GRAP2: variants seen among roughly 807,000 people sequenced by gnomAD.
The protein encoded by GRAP2 is GRB2 related adaptor protein 2.
In GRAP2, 31 loss-of-function variants were observed where a neutral mutation model predicts 43.5. That is an observed-to-expected ratio of 0.71 (90% confidence interval 0.54 to 0.96). The LOEUF is 0.96. GRAP2 is among the 40% of genes least tolerant of loss of function. The pLI is 0.00. For missense variants in GRAP2, 371 were observed against 424.4 expected (o/e 0.87, Z 1.11); for synonymous variants, 156 against 164.8 (o/e 0.95, Z 0.41).
chr22:39,948,669 G>T (rs537858294), intron 2 of GRAP2, among the ~76,000 whole-genome samples: 13 of 152,080 alleles, frequency 8.5e-5, no homozygotes, highest in Middle Eastern at 3.4e-3. Context: ...CAACTCTCTG[G>T]AATCTGCCTT....
intron 2 of GRAP2, among the ~76,000 whole-genome samples, chr22:39,955,094 C>T (rs1054689825): frequency 2.0e-5 from 3 of 152,206 alleles, no homozygotes; most frequent in African/African-American, 7.2e-5. Flanking sequence ...CCTGGTGGCT[C>T]ACGCCTGTAA....
intron 1 of GRAP2, among the ~76,000 whole-genome samples, chr22:39,938,725 C>T (rs750495797): frequency 3.3e-5 from 5 of 152,240 alleles, no homozygotes; most frequent in African/African-American, 7.2e-5. Context: ...CACCTGTCAT[C>T]GGAGACAGCT....
chr22:39,918,305 G>A (rs1478565538), intron 1 of GRAP2, among the ~76,000 whole-genome samples: 1 of 152,086 alleles, frequency 6.6e-6, no homozygotes, highest in East Asian at 1.9e-4. Context: ...AATCGCAGAC[G>A]AATAATAACG....
chr22:39,897,696 T>C (rs981678901), upstream of GRAP2, among the ~76,000 whole-genome samples: 17 of 151,918 alleles, frequency 1.1e-4, no homozygotes, highest in African/African-American at 4.1e-4. Context: ...ATTTTGTATT[T>C]TTAGTAGAAA....
intron 4 of GRAP2, chr22:39,963,798 A>T (rs1289727410): frequency 6.6e-6 from 1 of 152,448 alleles, no homozygotes; most frequent in African/African-American, 2.4e-5. Context: ...TGGGCGGATC[A>T]TGAGGTCAGG....
intron 1 of GRAP2, among the ~76,000 whole-genome samples, chr22:39,940,251 T>C (rs1228754859): frequency 6.6e-6 from 1 of 152,166 alleles, no homozygotes; most frequent in Non-Finnish European, 1.5e-5. Flanking sequence ...ACCAGCTGAT[T>C]AACAGGTATT....
At chr22:39,911,373 TCCCTCCA>T in intron 1 of GRAP2, among the ~76,000 whole-genome samples, 17 of 151,952 alleles carry the variant, frequency 1.1e-4, no homozygotes, top group African/African-American at 4.1e-4. Flanking sequence ...ATGACTCTCT[TCCCTCCA>T]TCACCTCCCC....
At chr22:39,898,966 C>A (rs1396721452), upstream of GRAP2, among the ~76,000 whole-genome samples, 2 of 152,208 alleles carry the variant, frequency 1.3e-5, no homozygotes, top group African/African-American at 4.8e-5. Flanking sequence ...TCACATGTTA[C>A]TGTATCCTCC....
intron 1 of GRAP2, among the ~76,000 whole-genome samples, chr22:39,940,383 GTTT>G (rs137987): frequency 3.0e-5 from 4 of 131,460 alleles, no homozygotes; most frequent in Admixed American, 1.5e-4. Flanking sequence ...TTTTTTGTTT[GTTT>G]TTTTTTTTTT....
intron 1 of GRAP2, among the ~76,000 whole-genome samples, chr22:39,913,413 T>A (rs916298243): frequency 6.6e-6 from 1 of 152,080 alleles, no homozygotes; most frequent in African/African-American, 2.4e-5. Flanking sequence ...TTCAGGTAAA[T>A]CCAGTAAGAT....
the GRAP2 span, among the ~76,000 whole-genome samples, chr22:39,895,187 G>A: frequency 2.0e-5 from 3 of 152,242 alleles, no homozygotes; most frequent in African/African-American, 4.8e-5. Context: ...AAATGTAATC[G>A]AACCTGTGTT....
intron 4 of GRAP2, chr22:39,963,802 G>A (rs1223974112): frequency 6.6e-6 from 1 of 152,530 alleles, no homozygotes; most frequent in Non-Finnish European, 1.5e-5. Context: ...CGGATCATGA[G>A]GTCAGGAGAT....
At chr22:39,967,393 G>A (rs113731737) in intron 5 of GRAP2, among the ~76,000 whole-genome samples, 57 of 152,186 alleles carry the variant, frequency 3.7e-4, no homozygotes, top group Admixed American at 2.6e-4. Flanking sequence ...GATTAAATGA[G>A]TTGATATTTG....
intron 1 of GRAP2, among the ~76,000 whole-genome samples, chr22:39,914,949 G>A (rs955298344): frequency 6.6e-6 from 1 of 151,940 alleles, no homozygotes; most frequent in Non-Finnish European, 1.5e-5. Flanking sequence ...AGCACTCTGG[G>A]AGGCTGAGGC....
chr22:39,965,599 G>A (rs781713609), intron 4 of GRAP2, among the ~76,000 whole-genome samples: 3 of 152,198 alleles, frequency 2.0e-5, no homozygotes, highest in African/African-American at 7.2e-5. Context: ...AGAATTTCTG[G>A]TAACAGAAAG....
At chr22:39,907,209 C>T (rs188872199) in intron 1 of GRAP2, among the ~76,000 whole-genome samples, 39 of 149,510 alleles carry the variant, frequency 2.6e-4, no homozygotes, top group African/African-American at 9.4e-4. Context: ...TTCTTACTGG[C>T]AGTGGTGGGG....
At chr22:39,938,928 G>A (rs2066835539) in intron 1 of GRAP2, among the ~76,000 whole-genome samples, 2 of 152,160 alleles carry the variant, frequency 1.3e-5, no homozygotes, top group African/African-American at 2.4e-5. Context: ...CGGACAAGCT[G>A]CAGAGGCCCC....
intron 1 of GRAP2, among the ~76,000 whole-genome samples, chr22:39,932,548 CAAAAAAAAAAA>C (rs137982): frequency 1.4e-4 from 6 of 43,416 alleles, no homozygotes; most frequent in Non-Finnish European, 2.8e-4. Flanking sequence ...CCTGTCTCTA[CAAAAAAAAAAA>C]AAAAAAAAAA....
rs574300946 is a variant in GRAP2, at chr22:39,952,402, C to A, written c.79-3417C>A. On this transcript the variant is annotated intron_variant, in intron 2 of 7. Transcript: ENST00000344138. Reference sequence around the variant, plus strand: ...ACCCCTTTCTGTGTGACATTTGCTACCCTGGCCAAACACCACATTCCCATG... The same window carrying A: ...ACCCCTTTCTGTGTGACATTTGCTAACCTGGCCAAACACCACATTCCCATG... 9.9e-5 allele frequency among the ~76,000 whole-genome samples: 15 copies of A among 152,280 alleles called. No homozygotes were observed. The South Asian group carries it at 3.1e-3, about 32-fold the overall frequency.
Sources: gnomAD v4.1 joint callset for allele counts (sites outside exome capture counted in the v4.1 genomes callset) on GRCh38, gnomAD v4.1.1 for gene constraint, MANE v1.5 for transcripts, NCBI Gene and HGNC (gene_info 2026-07-23, HGNC 2026-07-21) for gene names.